Variants in EIF3K observed in about 807,000 individuals in gnomAD.
The protein encoded by EIF3K is eIF-3 p28.
EIF3K carries 27 observed loss-of-function variants against 34.2 expected under a neutral mutation model. The observed-to-expected ratio is 0.79, with a 90% confidence interval of 0.58 to 1.09. The LOEUF (loss-of-function observed/expected upper bound fraction) is 1.09, where lower values mean the gene tolerates loss of function less well. EIF3K is among the 50% of genes least tolerant of loss of function. The pLI, the probability that EIF3K is intolerant of heterozygous loss-of-function variation, is 0.00. For missense variants in EIF3K, 232 were observed against 275.4 expected, an observed-to-expected ratio of 0.84 and a Z score of 1.11; for synonymous variants, 105 against 105.7, an observed-to-expected ratio of 0.99 and a Z score of 0.04.
chr19:38,631,476 C>T (rs1976063928), intron 4 of EIF3K, among the ~76,000 whole-genome samples: 1 of 152,186 alleles, frequency 6.6e-6, no homozygotes, highest in African/African-American at 2.4e-5. Context: ...ATCTCAATGC[C>T]TTGAAGAGCA....
chr19:38,620,276 A>C lies in EIF3K; in HGVS notation c.60-61A>C. 4 of 1,463,290 alleles carry C rather than the reference A, an allele frequency of 2.7e-6. No individual in the cohort carries two copies. The Middle Eastern group carries it at 6.3e-4, about 231-fold the overall frequency. The allele number at this position is 1,463,290 out of a possible 1,614,324, so 90.6% of individuals were successfully genotyped here. A position where few individuals can be genotyped will look rare whatever the true frequency, so the allele number is the denominator to read the frequency against. On this transcript the variant is annotated intron_variant, in intron 1 of 7. Transcript: ENST00000248342. ...GCAGGTTACAGTGGCCCCTTGCTCC[A>C]TAAGGTGGCTGGCCTCAGCTTCTGT...
chr19:38,629,246 A>G (rs2144773956), intron 4 of EIF3K, among the ~76,000 whole-genome samples: 1 of 151,812 alleles, frequency 6.6e-6, no homozygotes, highest in East Asian at 1.9e-4. Flanking sequence ...CATGGAACAG[A>G]TAGACAGGTT....
chr19:38,624,253 G>A (rs1975902825), intron 3 of EIF3K, 56 bp downstream of exon 3: 1 of 1,608,648 alleles, frequency 6.2e-7, no homozygotes, highest in East Asian at 2.2e-5. Context: ...GAGTCAAGGT[G>A]CATGAATTCC....
intron 6 of EIF3K, 86 bp downstream of exon 6, chr19:38,632,764 G>A (rs1467067800): frequency 1.6e-6 from 2 of 1,289,092 alleles, no homozygotes; most frequent in South Asian, 1.4e-5. Context: ...CAACAGGCCT[G>A]TCTGGGTCTC....
intron 2 of EIF3K, among the ~76,000 whole-genome samples, chr19:38,623,729 A>G (rs1975890989): frequency 6.6e-6 from 1 of 152,122 alleles, no homozygotes; most frequent in Non-Finnish European, 1.5e-5. Context: ...TCCTCGTGTC[A>G]TAAATAAGCA....
intron 4 of EIF3K, among the ~76,000 whole-genome samples, chr19:38,629,486 G>A (rs1976016709): frequency 1.3e-5 from 2 of 152,120 alleles, no homozygotes; most frequent in South Asian, 4.1e-4. Flanking sequence ...AGTAGAGGTT[G>A]GATTTCGCCA....
chr19:38,633,719 G>A (rs1487432197), intron 6 of EIF3K, among the ~76,000 whole-genome samples: 2 of 151,122 alleles, frequency 1.3e-5, no homozygotes, highest in East Asian at 2.0e-4. Context: ...GGAAGGCCAC[G>A]TGTGATGGCT....
chr19:38,634,917 A>T, intron 6 of EIF3K, 76 bp from the exon 7 acceptor site: 1 of 1,597,086 alleles, frequency 6.3e-7, no homozygotes, highest in African/African-American at 1.3e-5. Context: ...CTGAGCCATG[A>T]CTCTGTTGCC....
At chr19:38,631,573 A>AGACATTCCATTGCCCAGG (rs1298377860) in intron 4 of EIF3K, among the ~76,000 whole-genome samples, 1 of 152,182 alleles carries the variant, frequency 6.6e-6, no homozygotes, top group African/African-American at 2.4e-5. Context: ...GTTTTACACG[A>AGACATTCCATTGCCCAGG]GACATTCCAT....
chr19:38,628,173 G>A (rs755945334), intron 4 of EIF3K, among the ~76,000 whole-genome samples: 3 of 151,900 alleles, frequency 2.0e-5, no homozygotes, highest in Middle Eastern at 3.2e-3. Flanking sequence ...CAAAGTGCTG[G>A]GACTACAGGT....
intron 6 of EIF3K, among the ~76,000 whole-genome samples, chr19:38,634,653 C>T (rs1041682227): frequency 1.3e-5 from 2 of 151,986 alleles, no homozygotes; most frequent in Non-Finnish European, 2.9e-5. Context: ...ATTTTGCAAC[C>T]GTTTCATATA....
chr19:38,632,864 G>A, intron 6 of EIF3K, 186 bp downstream of exon 6: 2 of 550,664 alleles, frequency 3.6e-6, no homozygotes, highest in Non-Finnish European at 3.2e-6. Context: ...TATGCCATTT[G>A]CTCATTTATT....
At chr19:38,622,585 G>C (rs1185754440) in intron 2 of EIF3K, among the ~76,000 whole-genome samples, 1 of 152,200 alleles carries the variant, frequency 6.6e-6, no homozygotes, top group Non-Finnish European at 1.5e-5. Context: ...ATGAAGTTTT[G>C]GGCACCACTG....
chr19:38,626,987 T>A (rs1345716139), intron 4 of EIF3K, among the ~76,000 whole-genome samples: 1 of 151,972 alleles, frequency 6.6e-6, no homozygotes, highest in Non-Finnish European at 1.5e-5. Context: ...GTATTTTTTA[T>A]TTTATTTTGT....
At chr19:38,622,827 G>C (rs1453242731) in intron 2 of EIF3K, among the ~76,000 whole-genome samples, 1 of 152,222 alleles carries the variant, frequency 6.6e-6, no homozygotes, top group Non-Finnish European at 1.5e-5. Context: ...CTGAGAAAAA[G>C]AATTCAGCGA....
Position 38,625,436 on chromosome 19 carries a change from G to A in EIF3K, c.280-592G>A, listed in dbSNP as rs559679929. On this transcript the variant is annotated intron_variant, in intron 3 of 7. Coordinates refer to ENST00000248342, the MANE Select transcript of EIF3K (RefSeq NM_013234.4). ...CCGCCTCAGCCTCCCAAAGTGATAGGATTACAGATGTGAGCCACCGTGCCC... is the reference window on the plus strand; with the variant it reads ...CCGCCTCAGCCTCCCAAAGTGATAGAATTACAGATGTGAGCCACCGTGCCC... Among the ~76,000 whole-genome samples the A allele has an allele frequency of 6.6e-5, 10 of 151,606 alleles. No individual in the cohort carries two copies. The East Asian group carries it at 1.4e-3, about 21-fold the overall frequency.
intron 4 of EIF3K, among the ~76,000 whole-genome samples, chr19:38,628,089 A>T (rs1258817175): frequency 6.6e-6 from 1 of 151,928 alleles, no homozygotes; most frequent in Non-Finnish European, 1.5e-5. Context: ...TTTTTAGTAG[A>T]GACGGGGTTT....
At chr19:38,634,460 T>C (rs1419463202) in intron 6 of EIF3K, among the ~76,000 whole-genome samples, 3 of 151,352 alleles carry the variant, frequency 2.0e-5, no homozygotes, top group Non-Finnish European at 4.4e-5. Context: ...TAGCCAGGCG[T>C]GGTGGCGCAT....
intron 1 of EIF3K, among the ~76,000 whole-genome samples, chr19:38,619,975 G>A (rs1425734943): frequency 6.6e-6 from 1 of 152,170 alleles, no homozygotes; most frequent in Non-Finnish European, 1.5e-5. Context: ...AGGTAGGCAG[G>A]AGAGGATGGG....
Sources: gnomAD v4.1 joint callset for allele counts (sites outside exome capture counted in the v4.1 genomes callset) on GRCh38, gnomAD v4.1.1 for gene constraint, MANE v1.5 for transcripts, NCBI Gene and HGNC (gene_info 2026-07-23, HGNC 2026-07-21) for gene names.